RAF1: variants seen among roughly 807,000 people sequenced by gnomAD.
The protein encoded by RAF1 is RAF proto-oncogene serine/threonine-protein kinase.
A neutral mutation model predicts 81.1 loss-of-function variants in RAF1; 27 were observed. That is an observed-to-expected ratio of 0.33 (90% confidence interval 0.25 to 0.46). The LOEUF (loss-of-function observed/expected upper bound fraction) is 0.46. RAF1 is among the 20% of genes least tolerant of loss of function. RAF1 has a pLI of 1.00. For synonymous variants in RAF1, 298 were observed against 294.0 expected (o/e 1.01, Z -0.14); for missense variants, 598 against 826.0 (o/e 0.72, Z 3.38).
chr3:12,642,719 C>CACACACACACACAAAA (rs1491570753), intron 1 of RAF1, among the ~76,000 whole-genome samples: 9 of 141,376 alleles, frequency 6.4e-5, no homozygotes, highest in Admixed American at 2.9e-4. Context: ...CACACACACA[C>CACACACACACACAAAA]AAAATAGCTG....
intron 1 of RAF1, among the ~76,000 whole-genome samples, chr3:12,646,704 C>T (rs943741609): frequency 3.3e-5 from 5 of 152,024 alleles, no homozygotes; most frequent in African/African-American, 9.7e-5. Flanking sequence ...GCACACACCA[C>T]CACACCCGGC....
At position 12,635,042 on chromosome 3, in the gene RAF1, T is replaced by G. The variant is rs115391998; in HGVS notation, c.-26-16295A>C. 2.1e-3 allele frequency among the ~76,000 whole-genome samples: 326 copies of G among 152,204 alleles called. 2 individuals carry two copies. Among genetic ancestry groups the G allele is most frequent in the African/African-American group, 7.5e-3 (310 of 41,544 alleles). On this transcript the variant is annotated intron_variant, in intron 1 of 17. Transcript: ENST00000442415. ...TTAATACTTCTTTAAGACTTTCTAC[T>G]AGGGCAGCCACGATGGCTCACACTT...
At chr3:12,657,624 A>G (rs975537068) in intron 1 of RAF1, among the ~76,000 whole-genome samples, 8 of 152,060 alleles carry the variant, frequency 5.3e-5, no homozygotes, top group African/African-American at 1.7e-4. Flanking sequence ...ATACAAAATT[A>G]GTCGGGCATG....
chr3:12,611,443 T>G (rs1158411518), intron 3 of RAF1, among the ~76,000 whole-genome samples: 1 of 152,210 alleles, frequency 6.6e-6, no homozygotes, highest in Admixed American at 6.5e-5. Context: ...GGTCTTGAAC[T>G]CTTGGCCTCA....
At chr3:12,641,820 G>A (rs150148731) in intron 1 of RAF1, among the ~76,000 whole-genome samples, 92 of 152,206 alleles carry the variant, frequency 6.0e-4, no homozygotes, top group Non-Finnish European at 1.1e-3. Context: ...GTGTAACTAC[G>A]TAATGCTAGT....
At chr3:12,616,769 T>C (rs894643320) in intron 2 of RAF1, among the ~76,000 whole-genome samples, 22 of 152,152 alleles carry the variant, frequency 1.4e-4, no homozygotes, top group Admixed American at 7.9e-4. Flanking sequence ...ACACAATGCA[T>C]TGATTTTACA....
At chr3:12,639,649 G>T (rs1156635294) in intron 1 of RAF1, among the ~76,000 whole-genome samples, 1 of 152,172 alleles carries the variant, frequency 6.6e-6, no homozygotes, top group East Asian at 1.9e-4. Flanking sequence ...AAAATACCTA[G>T]GAATCCGACT....
intron 3 of RAF1, 24 bp downstream of exon 3, chr3:12,611,926 G>A (rs1408136958): frequency 6.4e-7 from 1 of 1,563,774 alleles, no homozygotes; most frequent in African/African-American, 1.4e-5. Context: ...GTCTGAAGAA[G>A]TCAATTGACT....
intron 1 of RAF1, among the ~76,000 whole-genome samples, chr3:12,622,987 A>C (rs1282094226): frequency 6.6e-6 from 1 of 151,852 alleles, no homozygotes; most frequent in Non-Finnish European, 1.5e-5. Context: ...ACACAGCAAG[A>C]CCCCATTTCT....
chr3:12,659,810 T>C (rs903522149), intron 1 of RAF1, among the ~76,000 whole-genome samples: 1 of 152,150 alleles, frequency 6.6e-6, no homozygotes, highest in Non-Finnish European at 1.5e-5. Flanking sequence ...CAAGTCAACA[T>C]TAAGGCATGC....
intron 11 of RAF1, among the ~76,000 whole-genome samples, chr3:12,593,520 C>A (rs1474209509): frequency 6.6e-6 from 1 of 152,192 alleles, no homozygotes; most frequent in Non-Finnish European, 1.5e-5. Context: ...TCCAAAGTGG[C>A]TCTCATCCAG....
intron 11 of RAF1, among the ~76,000 whole-genome samples, chr3:12,594,783 C>A (rs1482632224): frequency 6.6e-6 from 1 of 152,194 alleles, no homozygotes; most frequent in Non-Finnish European, 1.5e-5. Flanking sequence ...CATATCACAC[C>A]TCTGATTAAG....
chr3:12,592,624 T>C (rs185509364), intron 11 of RAF1, among the ~76,000 whole-genome samples: 2 of 151,986 alleles, frequency 1.3e-5, no homozygotes, highest in Admixed American at 1.3e-4. Context: ...ATTCTACCTA[T>C]AACACTGACA....
intron 14 of RAF1, chr3:12,587,306 A>G (rs927936883): frequency 2.0e-6 from 1 of 498,270 alleles, no homozygotes; most frequent in Non-Finnish European, 3.6e-6. Context: ...TGATAAAATT[A>G]TGCCTATTTC....
At chr3:12,600,055 A>T in intron 10 of RAF1, 97 bp downstream of exon 9, 1 of 1,550,876 alleles carries the variant, frequency 6.4e-7, no homozygotes, top group Non-Finnish European at 8.9e-7. Flanking sequence ...GTATTTTATT[A>T]GAATCTTCTC....
At chr3:12,651,053 A>G (rs1350198649) in intron 1 of RAF1, among the ~76,000 whole-genome samples, 2 of 152,360 alleles carry the variant, frequency 1.3e-5, no homozygotes, top group East Asian at 3.9e-4. Context: ...TTCTTATTAC[A>G]TAACTTTGTT....
intron 11 of RAF1, among the ~76,000 whole-genome samples, 195 bp downstream of exon 10, chr3:12,599,496 A>G (rs974497159): frequency 2.0e-5 from 3 of 152,188 alleles, no homozygotes; most frequent in Non-Finnish European, 4.4e-5. Flanking sequence ...ACTAATTTCT[A>G]ATTATCCTGG....
At chr3:12,640,430 C>G (rs1163833116) in intron 1 of RAF1, among the ~76,000 whole-genome samples, 1 of 150,282 alleles carries the variant, frequency 6.7e-6, no homozygotes, top group African/African-American at 2.4e-5. Flanking sequence ...AGTGAACACG[C>G]AACCTACAGA....
rs2125393865 is a variant in RAF1 at position 12,603,485 on chromosome 3, C to T, written c.887G>A (p.Arg296Lys). Residue 296 changes from arginine (R) to lysine (K), a missense_variant, in exon 8 of 18, where the codon AGG becomes AAG. Coordinates refer to ENST00000442415, the MANE Select transcript of RAF1 (RefSeq NM_001354689.3). Reference sequence around the variant, plus strand: ...ATGAAGAAAAATACCTACTCTTCCCCTCAAACAAAATCGTCTGGACCACGC... The same window carrying T: ...ATGAAGAAAAATACCTACTCTTCCCTTCAAACAAAATCGTCTGGACCACGC... 1 of 699,082 alleles carries T rather than the reference C, an allele frequency of 1.4e-6. No individual in the cohort carries two copies. Among genetic ancestry groups the T allele is most frequent in the Non-Finnish European group, 2.6e-6 (1 of 382,328 alleles). 43.3% of individuals were successfully genotyped at this position (699,082 alleles called of 1,614,324 possible).
Sources: gnomAD v4.1 joint callset for allele counts (sites outside exome capture counted in the v4.1 genomes callset) on GRCh38, gnomAD v4.1.1 for gene constraint, MANE v1.5 for transcripts, NCBI Gene and HGNC (gene_info 2026-07-23, HGNC 2026-07-21) for gene names.